Variants in DLGAP2 observed in about 807,000 individuals in gnomAD.
The protein encoded by DLGAP2 is disks large-associated protein 2.
In DLGAP2, 26 loss-of-function variants were observed where a neutral mutation model predicts 100.3. That is an observed-to-expected ratio of 0.26 (90% CI 0.19 to 0.36). The LOEUF is 0.36. DLGAP2 is among the 10% of genes least tolerant of loss of function. The probability of loss-of-function intolerance (pLI) is 1.00; values close to 1 mark genes in which losing one functional copy is unlikely to be tolerated. For synonymous variants in DLGAP2, 886 were observed against 630.1 expected, an observed-to-expected ratio of 1.41 and a Z score of -6.08; for missense variants, 1,858 against 1,453.2, an observed-to-expected ratio of 1.28 and a Z score of -4.53.
At chr8:1,102,972 A>G (rs1421061583) in intron 2 of DLGAP2, among the ~76,000 whole-genome samples, 4 of 148,886 alleles carry the variant, frequency 2.7e-5, no homozygotes, top group African/African-American at 7.5e-5. Context: ...CGGGGTCTTC[A>G]TGAGATTCTG....
intron 3 of DLGAP2, among the ~76,000 whole-genome samples, chr8:1,410,026 G>C (rs1045768816): frequency 5.9e-5 from 9 of 152,166 alleles, no homozygotes; most frequent in South Asian, 4.1e-4. Flanking sequence ...TGACCGATAC[G>C]TGCTGCAGGT....
intron 2 of DLGAP2, among the ~76,000 whole-genome samples, chr8:1,138,728 T>C (rs1796467009): frequency 6.6e-6 from 1 of 152,256 alleles, no homozygotes; most frequent in African/African-American, 2.4e-5. Context: ...TTCCTGTTTA[T>C]TTACTAGTCC....
intron 2 of DLGAP2, among the ~76,000 whole-genome samples, chr8:1,117,337 G>A (rs1438914845): frequency 6.6e-6 from 1 of 152,224 alleles, no homozygotes; most frequent in African/African-American, 2.4e-5. Context: ...CGCCACGCTG[G>A]GGATGCGGTG....
At chr8:1,146,241 G>C (rs1025686857) in intron 2 of DLGAP2, among the ~76,000 whole-genome samples, 2 of 152,174 alleles carry the variant, frequency 1.3e-5, no homozygotes, top group Non-Finnish European at 2.9e-5. Flanking sequence ...CGGTCACCTC[G>C]AACGTCTTTT....
chr8:1,312,719 C>T (rs894233407), intron 3 of DLGAP2, among the ~76,000 whole-genome samples: 7 of 152,176 alleles, frequency 4.6e-5, no homozygotes, highest in Non-Finnish European at 8.8e-5. Flanking sequence ...ATTAAATGCA[C>T]ATACCTTTTG....
chr8:946,270 T>C (rs1164426074), intron 2 of DLGAP2, among the ~76,000 whole-genome samples: 2 of 127,264 alleles, frequency 1.6e-5, no homozygotes, highest in Non-Finnish European at 1.7e-5. Context: ...GTTTCTTAGG[T>C]TTTTTTTTTT....
intron 2 of DLGAP2, among the ~76,000 whole-genome samples, chr8:1,076,220 A>G (rs2600497): frequency 0.35 from 53,516 of 151,982 alleles, 9,435 homozygotes; most frequent in Middle Eastern, 0.38. Context: ...CCCCTGTGCC[A>G]CCCGCCTTCC....
At chr8:869,564 G>A (rs1797559167) in intron 1 of DLGAP2, among the ~76,000 whole-genome samples, 1 of 152,130 alleles carries the variant, frequency 6.6e-6, no homozygotes, top group Non-Finnish European at 1.5e-5. Context: ...TCAAACATGG[G>A]CTTTTTAATA....
chr8:1,450,736 C>A (rs1175992621), intron 3 of DLGAP2, among the ~76,000 whole-genome samples: 1 of 152,116 alleles, frequency 6.6e-6, no homozygotes, highest in African/African-American at 2.4e-5. Flanking sequence ...GCGACAGGCA[C>A]CGTCCTCCAC....
At chr8:1,109,712 G>A (rs546168512) in intron 2 of DLGAP2, among the ~76,000 whole-genome samples, 6 of 1,384 alleles carry the variant, frequency 4.3e-3, no homozygotes, top group Non-Finnish European at 5.1e-3. Flanking sequence ...GGTCTGTGAC[G>A]TGCTGGGTCT....
intron 2 of DLGAP2, among the ~76,000 whole-genome samples, chr8:1,064,183 A>C (rs1188365886): frequency 1.3e-5 from 2 of 152,212 alleles, no homozygotes; most frequent in Non-Finnish European, 2.9e-5. Flanking sequence ...CTTGCTCCCA[A>C]TTTGCAACAA....
intron 2 of DLGAP2, among the ~76,000 whole-genome samples, chr8:1,071,784 A>ATG (rs1200809413): frequency 6.6e-6 from 1 of 152,162 alleles, no homozygotes; most frequent in Non-Finnish European, 1.5e-5. Context: ...TGAAGTGAAT[A>ATG]TGTGTGTGTG....
intron 5 of DLGAP2, among the ~76,000 whole-genome samples, chr8:1,550,321 G>C (rs888818289): frequency 1.3e-5 from 2 of 152,186 alleles, no homozygotes; most frequent in African/African-American, 4.8e-5. Flanking sequence ...CAGGGATGGC[G>C]GGACGTTATC....
At chr8:778,798 G>T (rs1490208098) in intron 1 of DLGAP2, among the ~76,000 whole-genome samples, 1 of 152,242 alleles carries the variant, frequency 6.6e-6, no homozygotes, top group Admixed American at 6.5e-5. Flanking sequence ...CTTTTTGTTT[G>T]TTTGTGCCCT....
chr8:1,545,222 A>C lies in DLGAP2; in HGVS notation c.173-3404A>C, dbSNP rs569677261. On this transcript the variant is annotated intron_variant, in intron 4 of 14. Coordinates refer to ENST00000637795, the MANE Select transcript of DLGAP2 (RefSeq NM_001346810.2). ...AGGGATCGGTGTTAATTCTTTTTTA[A>C]ATATTGATAGAATTCACCTGTGACA... Among the ~76,000 whole-genome samples, 18 of 152,226 alleles carry C rather than the reference A, an allele frequency of 1.2e-4. No individual in the cohort carries two copies. In the South Asian group the frequency reaches 3.5e-3, roughly 30 times the overall value.
intron 2 of DLGAP2, among the ~76,000 whole-genome samples, chr8:1,256,571 T>A (rs11988254): frequency 7.2e-6 from 1 of 139,288 alleles, no homozygotes; most frequent in African/African-American, 3.2e-5. Context: ...CCTGCCCGGG[T>A]GCTGTGCGTG....
At chr8:1,639,923 T>C (rs1471077992) in intron 8 of DLGAP2, among the ~76,000 whole-genome samples, 1 of 152,160 alleles carries the variant, frequency 6.6e-6, no homozygotes, top group African/African-American at 2.4e-5. Context: ...CAGGATCATC[T>C]CCCCATCTCA....
At chr8:1,583,641 G>A (rs1005066214) in intron 6 of DLGAP2, among the ~76,000 whole-genome samples, 8 of 152,240 alleles carry the variant, frequency 5.3e-5, no homozygotes, top group East Asian at 3.9e-4. Context: ...CAGTCCTGAC[G>A]TTTTTGCCTT....
chr8:1,131,457 C>T (rs1172606683), intron 2 of DLGAP2, among the ~76,000 whole-genome samples: 1 of 152,170 alleles, frequency 6.6e-6, no homozygotes, highest in East Asian at 1.9e-4. Context: ...GCTCTGGGCT[C>T]TTCACGTCTT....
Sources: allele counts gnomAD v4.1 joint callset (sites outside exome capture counted in the v4.1 genomes callset), GRCh38; gene constraint gnomAD v4.1.1; transcripts MANE v1.5; gene names NCBI Gene and HGNC (gene_info 2026-07-23, HGNC 2026-07-21).